STAB2: variants seen among roughly 807,000 people sequenced by gnomAD.
The protein encoded by STAB2 is stabilin 2.
Under a neutral mutation model 338.1 loss-of-function variants are expected in STAB2, and 288 were observed. The observed-to-expected ratio is 0.85, with a 90% CI of 0.77 to 0.94. The LOEUF (loss-of-function observed/expected upper bound fraction) is 0.94, where lower values mean the gene tolerates loss of function less well. Ranked by LOEUF, STAB2 falls within the 40% of genes least tolerant of loss-of-function variation. The pLI is 0.00. For synonymous variants in STAB2, 1,202 were observed against 1,193.3 expected, an observed-to-expected ratio of 1.01 and a Z score of -0.15; for missense variants, 3,141 against 3,210.1, an observed-to-expected ratio of 0.98 and a Z score of 0.52.
chr12:103,711,524 G>T lies in STAB2; in HGVS notation c.4334+8G>T. On this transcript the variant is annotated splice_region_variant and intron_variant, in intron 40 of 68. Coordinates refer to ENST00000388887, the MANE Select transcript of STAB2 (RefSeq NM_017564.10). ...ATGCCATACCAGCGCCAAGTAGGTA[G>T]CCCTGGGCCACCTCTGGGGACAGTG... 4 of 1,614,094 alleles carry T rather than the reference G, an allele frequency of 2.5e-6. No individual in the cohort carries two copies. Among genetic ancestry groups the T allele is most frequent in the Non-Finnish European group, 3.4e-6 (4 of 1,180,018 alleles).
At chr12:103,757,758 G>A (rs972093533) in intron 63 of STAB2, among the ~76,000 whole-genome samples, 7 of 152,228 alleles carry the variant, frequency 4.6e-5, no homozygotes, top group African/African-American at 1.7e-4. Flanking sequence ...GGAACAGAGT[G>A]AGCAAGAGAG....
Position 103,692,965 on chromosome 12 carries a change from T to C in STAB2, c.3375+76T>C, listed in dbSNP as rs1878083165. 2.4e-6 allele frequency: 3 copies of C among 1,264,822 alleles called. No individual in the cohort carries two copies. In the Admixed American group the frequency reaches 6.8e-5, roughly 29 times the overall value. The allele number at this position is 1,264,822 out of a possible 1,614,324, so 78.3% of individuals were successfully genotyped here. A position where few individuals can be genotyped will look rare whatever the true frequency, so the allele number is the denominator to read the frequency against. On this transcript the variant is annotated intron_variant, in intron 31 of 68. Coordinates refer to ENST00000388887, the MANE Select transcript of STAB2 (RefSeq NM_017564.10). ...TTTATCGTCCTATACAGCATTTTTTTTTTTAAATAGAAAAATACTTAGCCT... is the reference window on the plus strand; with the variant it reads ...TTTATCGTCCTATACAGCATTTTTTCTTTTAAATAGAAAAATACTTAGCCT...
intron 26 of STAB2, among the ~76,000 whole-genome samples, chr12:103,684,296 G>A (rs1396633581): frequency 6.6e-6 from 1 of 152,168 alleles, no homozygotes; most frequent in Non-Finnish European, 1.5e-5. Flanking sequence ...GTCTACATAT[G>A]AGTCCGTCAA....
intron 20 of STAB2, chr12:103,669,265 T>TC: frequency 2.5e-6 from 1 of 397,926 alleles, no homozygotes; most frequent in South Asian, 4.3e-5. Flanking sequence ...CATTGACTCT[T>TC]CCCCAACTTA....
intron 53 of STAB2, among the ~76,000 whole-genome samples, chr12:103,738,873 G>A (rs952882455): frequency 6.6e-6 from 1 of 152,210 alleles, no homozygotes; most frequent in Non-Finnish European, 1.5e-5. Flanking sequence ...CTGTATAACA[G>A]ATTTTCCCTT....
At chr12:103,589,807 C>A (rs1249379776) in intron 1 of STAB2, among the ~76,000 whole-genome samples, 1 of 152,178 alleles carries the variant, frequency 6.6e-6, no homozygotes, top group Non-Finnish European at 1.5e-5. Flanking sequence ...AGCCAGCATT[C>A]ACCACCTGTG....
Position 103,652,777 on chromosome 12 carries a change from C to T in STAB2, c.1407+72C>T. The T allele has an allele frequency of 2.1e-6, 3 of 1,422,750 alleles. No homozygotes were observed. The South Asian group carries it at 5.5e-5, about 26-fold the overall frequency. The allele number at this position is 1,422,750 out of a possible 1,614,324, so 88.1% of individuals were successfully genotyped here. ...AGCCAATGCCCATATCCTTCTCTCTCTTTTTGTTTGGGGTTTGTGAAAAAT... is the reference window on the plus strand; with the variant it reads ...AGCCAATGCCCATATCCTTCTCTCTTTTTTTGTTTGGGGTTTGTGAAAAAT... On this transcript the variant is annotated intron_variant, in intron 12 of 68. Coordinates refer to ENST00000388887, the MANE Select transcript of STAB2 (RefSeq NM_017564.10).
chr12:103,750,734 G>A lies in STAB2; in HGVS notation c.6580+14G>A. 6.2e-7 allele frequency: 1 copy of A among 1,607,318 alleles called. No individual in the cohort carries two copies. Among genetic ancestry groups the A allele is most frequent in the Non-Finnish European group, 8.5e-7 (1 of 1,174,774 alleles). On this transcript the variant is annotated intron_variant, in intron 60 of 68. Transcript: ENST00000388887. ...TCCACTTCCAGGGTTAGTGTGACCA[G>A]GGCCTATGGCCCAAAGCACCCTCCT...
At chr12:103,614,496 G>T (rs546100829) in intron 3 of STAB2, among the ~76,000 whole-genome samples, 10 of 152,274 alleles carry the variant, frequency 6.6e-5, no homozygotes, top group Middle Eastern at 3.4e-3. Context: ...GTGGCTTTAA[G>T]TCAGTGTACA....
rs35874368 is a variant in STAB2 at position 103,676,058 on chromosome 12, C to CTTTTTT, written c.2646+53_2646+58dup. 2.8e-4 allele frequency: 187 copies of CTTTTTT among 669,258 alleles called. 1 individual carries two copies. The highest frequency in any genetic ancestry group is 7.8e-4 in the South Asian group (35 of 44,750). The allele number at this position is 669,258 out of a possible 1,614,324, so 41.5% of individuals were successfully genotyped here. On this transcript the variant is annotated intron_variant, in intron 24 of 68. Coordinates refer to ENST00000388887, the MANE Select transcript of STAB2 (RefSeq NM_017564.10). ...TCTTCATTTCCACCCTGCCTGGTTT[C>CTTTTTT]TTTTTTTTTTTTTTTTTTTTTGAGA...
intron 59 of STAB2, among the ~76,000 whole-genome samples, chr12:103,749,872 A>AAAAAAAAAAG (rs58406423): frequency 2.3e-5 from 3 of 131,480 alleles, no homozygotes; most frequent in Non-Finnish European, 4.8e-5. Context: ...AAAAAAAAAA[A>AAAAAAAAAAG]GCTGGTAAGA....
Position 103,740,675 on chromosome 12 carries a change from C to T in STAB2, c.5800C>T (p.Leu1934=), listed in dbSNP as rs139893550. ...CTACAACCTGCCCTTCAAGAGGAAC[C>T]TGGAAGGCTGCCGGGAGCGGTGCAG... ...CLYNLPFKRN[L]EGCRERCSLV... The change falls in exon 55 of 69, where the codon CTG becomes TTG. Residue 1934 remains leucine (L), a synonymous_variant. Coordinates refer to ENST00000388887, the MANE Select transcript of STAB2 (RefSeq NM_017564.10). 1.4e-5 allele frequency: 22 copies of T among 1,611,766 alleles called. No individual in the cohort carries two copies. The highest frequency in any genetic ancestry group is 1.9e-5 in the Non-Finnish European group (22 of 1,179,236).
intron 53 of STAB2, among the ~76,000 whole-genome samples, chr12:103,738,760 T>C (rs369282318): frequency 1.3e-5 from 2 of 152,324 alleles, no homozygotes; most frequent in South Asian, 4.1e-4. Context: ...GTATTTGTGA[T>C]TGGCCAAAAG....
chr12:103,652,701 A>T lies in STAB2; in HGVS notation c.1403A>T (p.Asp468Val). 2 of 1,600,076 alleles carry T rather than the reference A, an allele frequency of 1.2e-6. No individual in the cohort carries two copies. The highest frequency in any genetic ancestry group is 2.3e-5 in the South Asian group (2 of 86,542). ...AAGTCGGGGGAAATCTTCAACAGCG[A>T]TAAGGTAAGGGTTCCTCTGATTTTC... ...TGKSGEIFNSDKDNQIKLKLH... is the reference protein window; with the variant it reads ...TGKSGEIFNSVKDNQIKLKLH... The change falls in exon 12 of 69, where the codon GAT (aspartate) becomes GTT (valine). Residue 468 changes from aspartate (D) to valine (V), a missense_variant. Physicochemically the swap from Asp to Val is radical, Grantham distance 152 (BLOSUM62 -3). Coordinates refer to ENST00000388887, the MANE Select transcript of STAB2 (RefSeq NM_017564.10).
intron 2 of STAB2, 100 bp downstream of exon 2, chr12:103,591,130 A>G (rs1956791773): frequency 3.3e-6 from 5 of 1,528,806 alleles, no homozygotes; most frequent in Admixed American, 2.0e-5. Context: ...TCTTGCTCTA[A>G]GACAATAAGC....
At chr12:103,701,660 C>A (rs976612205) in intron 34 of STAB2, among the ~76,000 whole-genome samples, 1 of 152,136 alleles carries the variant, frequency 6.6e-6, no homozygotes, top group Non-Finnish European at 1.5e-5. Context: ...AATAGCTCAA[C>A]ATCTTAGAAT....
chr12:103,710,464 A>G (rs143495975), intron 39 of STAB2, among the ~76,000 whole-genome samples: 9 of 152,352 alleles, frequency 5.9e-5, no homozygotes, highest in African/African-American at 2.2e-4. Context: ...TCCACAGCAG[A>G]CATCACTAAT....
intron 5 of STAB2, among the ~76,000 whole-genome samples, chr12:103,623,922 G>A (rs954882963): frequency 8.5e-5 from 13 of 152,130 alleles, no homozygotes; most frequent in Non-Finnish European, 1.5e-4. Flanking sequence ...GCTCACAATC[G>A]CAGTCAGTAA....
chr12:103,766,603 G>GTAAC lies in STAB2; in HGVS notation c.*269_*272dup, dbSNP rs1368222141. 2 of 425,030 alleles carry GTAAC rather than the reference G, an allele frequency of 4.7e-6. No individual in the cohort carries two copies. The highest frequency in any genetic ancestry group is 8.5e-6 in the Non-Finnish European group (2 of 233,998). The allele number at this position is 425,030 out of a possible 1,614,324, so 26.3% of individuals were successfully genotyped here. On this transcript the variant is annotated 3_prime_UTR_variant, in exon 69 of 69. Transcript: ENST00000388887. The stretch of plus-strand genomic sequence containing the variant: ...TGCTCCATTCTGCCCTACATGATGG[G>GTAAC]TAACTGTGATCTTTCTTCCCTGTTA...
Sources: gnomAD v4.1 joint callset for allele counts (sites outside exome capture counted in the v4.1 genomes callset) on GRCh38, gnomAD v4.1.1 for gene constraint, MANE v1.5 for transcripts, NCBI Gene and HGNC (gene_info 2026-07-23, HGNC 2026-07-21) for gene names.